The following CACNA2D3 variants were observed in gnomAD, a reference collection of about 807,000 sequenced individuals.
CACNA2D3 encodes voltage-dependent calcium channel subunit alpha-2/delta-3.
In CACNA2D3, 60 loss-of-function variants were observed where a neutral mutation model predicts 160.6. That is an observed-to-expected ratio of 0.37 (90% CI 0.30 to 0.46). The LOEUF (loss-of-function observed/expected upper bound fraction) is 0.46. CACNA2D3 is among the 20% of genes least tolerant of loss of function. The probability of loss-of-function intolerance (pLI) is 1.00; values close to 1 mark genes in which losing one functional copy is unlikely to be tolerated. For missense variants in CACNA2D3, 1,205 were observed against 1,365.0 expected, an observed-to-expected ratio of 0.88 and a Z score of 1.85; for synonymous variants, 558 against 492.9, an observed-to-expected ratio of 1.13 and a Z score of -1.75.
intron 13 of CACNA2D3, among the ~76,000 whole-genome samples, chr3:54,804,368 A>G (rs1198344031): frequency 6.6e-6 from 1 of 152,146 alleles, no homozygotes; most frequent in Non-Finnish European, 1.5e-5. Flanking sequence ...AAGATCTACC[A>G]AGCAAATGGA....
intron 2 of CACNA2D3, among the ~76,000 whole-genome samples, chr3:54,127,229 A>G (rs938239213): frequency 1.3e-5 from 2 of 152,248 alleles, no homozygotes; most frequent in African/African-American, 4.8e-5. Flanking sequence ...TGTCTCTGCC[A>G]GTAACGCTGG....
At chr3:54,473,879 A>T (rs765502291) in intron 4 of CACNA2D3, among the ~76,000 whole-genome samples, 3 of 152,202 alleles carry the variant, frequency 2.0e-5, no homozygotes, top group Admixed American at 6.5e-5. Flanking sequence ...AATGGCGATT[A>T]TTAAAAAGTC....
intron 17 of CACNA2D3, among the ~76,000 whole-genome samples, chr3:54,862,320 T>C (rs559343363): frequency 7.8e-4 from 118 of 152,122 alleles, no homozygotes; most frequent in Non-Finnish European, 1.4e-3. Flanking sequence ...CAACAATTTT[T>C]AGCAGGAAAA....
intron 6 of CACNA2D3, among the ~76,000 whole-genome samples, 181 bp from the exon 7 acceptor site, chr3:54,569,614 G>C (rs1328332963): frequency 2.0e-5 from 3 of 152,208 alleles, no homozygotes; most frequent in Admixed American, 6.5e-5. Context: ...GTTTGCTATA[G>C]GGTTATGGCC....
intron 11 of CACNA2D3, among the ~76,000 whole-genome samples, chr3:54,672,001 T>A (rs1700172234): frequency 6.6e-6 from 1 of 152,294 alleles, no homozygotes; most frequent in South Asian, 2.1e-4. Context: ...TCAAAGGGAT[T>A]CTCCAGGTGT....
chr3:54,763,848 CAT>C (rs1187681704), intron 12 of CACNA2D3, among the ~76,000 whole-genome samples: 2 of 32,798 alleles, frequency 6.1e-5, no homozygotes, highest in African/African-American at 2.0e-4. Flanking sequence ...TATATATGTA[CAT>C]ATATATACAT....
chr3:54,738,696 A>G (rs1228768689), intron 11 of CACNA2D3, among the ~76,000 whole-genome samples: 5 of 152,098 alleles, frequency 3.3e-5, no homozygotes, highest in Non-Finnish European at 5.9e-5. Flanking sequence ...AGTTCTGCCT[A>G]TGGGTTTATA....
chr3:54,409,275 G>A (rs1439202817), intron 4 of CACNA2D3, among the ~76,000 whole-genome samples: 1 of 152,106 alleles, frequency 6.6e-6, no homozygotes, highest in Non-Finnish European at 1.5e-5. Context: ...GGTAATCTGT[G>A]ATCAGTGATC....
intron 5 of CACNA2D3, among the ~76,000 whole-genome samples, chr3:54,523,726 C>G (rs6414580): frequency 0.96 from 145,334 of 152,142 alleles, 69,661 homozygotes; most frequent in Non-Finnish European, 0.99. Context: ...TTTTGGGTCA[C>G]TTTTCGTGGT....
At chr3:54,214,699 G>A (rs371195172) in intron 2 of CACNA2D3, among the ~76,000 whole-genome samples, 9 of 152,280 alleles carry the variant, frequency 5.9e-5, no homozygotes, top group African/African-American at 2.2e-4. Context: ...GCACAGTCAG[G>A]AAGAGGCAGC....
chr3:54,328,609 G>A (rs533113408), intron 3 of CACNA2D3, among the ~76,000 whole-genome samples: 78 of 152,248 alleles, frequency 5.1e-4, no homozygotes, highest in Admixed American at 2.3e-3. Context: ...ATTACTCACC[G>A]TTTGGCACAG....
chr3:54,710,314 A>G (rs1403021834), intron 11 of CACNA2D3, among the ~76,000 whole-genome samples: 1 of 152,252 alleles, frequency 6.6e-6, no homozygotes, highest in Non-Finnish European at 1.5e-5. Context: ...CCATAACAAT[A>G]ATAATGAATA....
At chr3:54,130,265 G>A (rs908676492) in intron 2 of CACNA2D3, among the ~76,000 whole-genome samples, 1 of 152,176 alleles carries the variant, frequency 6.6e-6, no homozygotes, top group Admixed American at 6.5e-5. Context: ...CAGTCTAGGA[G>A]GCTTCCTTTG....
chr3:54,413,851 T>C (rs1244967366), intron 4 of CACNA2D3, among the ~76,000 whole-genome samples: 1 of 151,654 alleles, frequency 6.6e-6, no homozygotes, highest in African/African-American at 2.4e-5. Context: ...TTAAATTCCT[T>C]CTCTGGTAAT....
intron 4 of CACNA2D3, among the ~76,000 whole-genome samples, chr3:54,454,003 C>G (rs908625386): frequency 6.6e-6 from 1 of 152,050 alleles, no homozygotes; most frequent in African/African-American, 2.4e-5. Flanking sequence ...AAGGGGAGAG[C>G]CTTCTGGGCA....
rs112524368 is a variant in CACNA2D3, at chr3:54,929,036, C to G, written c.2449+29168C>G. Among the ~76,000 whole-genome samples the G allele has an allele frequency of 2.6e-5, 4 of 152,134 alleles. No homozygotes were observed. In the South Asian group the frequency reaches 8.3e-4, roughly 32 times the overall value. Reference sequence around the variant, plus strand: ...GTTCTGCTGTGTGTAACTGTGTGTACGCTTTTATGGAAGCAGCATGAAGTG... The same window carrying G: ...GTTCTGCTGTGTGTAACTGTGTGTAGGCTTTTATGGAAGCAGCATGAAGTG... On this transcript the variant is annotated intron_variant, in intron 27 of 37. Transcript: ENST00000474759.
At chr3:54,557,879 G>A (rs1260035009) in intron 5 of CACNA2D3, among the ~76,000 whole-genome samples, 1 of 152,168 alleles carries the variant, frequency 6.6e-6, no homozygotes, top group Admixed American at 6.5e-5. Flanking sequence ...AAGAGTTAGA[G>A]CATTTACCCT....
intron 11 of CACNA2D3, among the ~76,000 whole-genome samples, chr3:54,672,923 A>G (rs1055080141): frequency 6.6e-6 from 1 of 152,228 alleles, no homozygotes; most frequent in Non-Finnish European, 1.5e-5. Context: ...AATGACGATG[A>G]CATTGTTACT....
chr3:54,383,505 C>G (rs1699140599), intron 3 of CACNA2D3, among the ~76,000 whole-genome samples: 1 of 152,162 alleles, frequency 6.6e-6, no homozygotes, highest in Non-Finnish European at 1.5e-5. Flanking sequence ...ATTGTCATTT[C>G]TTGAATCATG....
Sources: allele counts gnomAD v4.1 joint callset (sites outside exome capture counted in the v4.1 genomes callset), GRCh38; gene constraint gnomAD v4.1.1; transcripts MANE v1.5; gene names NCBI Gene and HGNC (gene_info 2026-07-23, HGNC 2026-07-21).